Variants in FLYWCH1 observed in about 807,000 individuals in gnomAD.
The protein encoded by FLYWCH1 is FLYWCH-type zinc finger-containing protein 1.
FLYWCH1 carries 75 observed loss-of-function variants against 66.4 expected under a neutral mutation model. The ratio of observed to expected loss-of-function variants is 1.13; its 90% confidence interval spans 0.94 to 1.37. The LOEUF is 1.37. FLYWCH1 is among the 40% of genes most tolerant of loss of function. The pLI is 0.00. For synonymous variants in FLYWCH1, 595 were observed against 429.9 expected, an observed-to-expected ratio of 1.38 and a Z score of -4.75; for missense variants, 1,334 against 1,001.8, an observed-to-expected ratio of 1.33 and a Z score of -4.48.
rs372673554 is a variant in FLYWCH1 at position 2,933,117 on chromosome 16, G to A, written c.797-13G>A. On this transcript the variant is annotated splice_polypyrimidine_tract_variant and intron_variant, in intron 4 of 9. Coordinates refer to ENST00000253928, the MANE Select transcript of FLYWCH1 (RefSeq NM_001308068.2). ...CACCCCTGGTGATGTGACCACTTGG[G>A]TCTCTCCTCTAGGACAGGCCCGGCC... The A allele has an allele frequency of 1.2e-6, 2 of 1,607,644 alleles. No homozygotes were observed. The highest frequency in any genetic ancestry group is 1.7e-6 in the Non-Finnish European group (2 of 1,176,530).
At chr16:2,942,165 G>A (rs1486293526) in intron 9 of FLYWCH1, among the ~76,000 whole-genome samples, 1 of 151,876 alleles carries the variant, frequency 6.6e-6, no homozygotes, top group East Asian at 1.9e-4. Flanking sequence ...CTAAAATCAG[G>A]AATAAAGATG....
At chr16:2,934,753 T>C in intron 6 of FLYWCH1, 2 of 439,142 alleles carry the variant, frequency 4.6e-6, no homozygotes, top group South Asian at 3.2e-5. Context: ...AGAGAGACAG[T>C]GCTGCGAGGT....
Position 2,912,127 on chromosome 16 carries a change from CGGGAGAGGGAGGGCCCCGCTGCCGT to C in FLYWCH1, c.-214_-190del, listed in dbSNP as rs1342351541. The C allele has an allele frequency of 1.3e-5, 2 of 152,178 alleles. No homozygotes were observed. Among genetic ancestry groups the C allele is most frequent in the East Asian group, 1.9e-4 (1 of 5,186 alleles). The allele number at this position is 152,178 out of a possible 1,614,324, so 9.4% of individuals were successfully genotyped here. On this transcript the variant is annotated splice_region_variant and 5_prime_UTR_variant, in exon 1 of 10. Coordinates refer to ENST00000253928, the MANE Select transcript of FLYWCH1 (RefSeq NM_001308068.2). ...TGAAGGATCCGCCGCGGCGCTGTCG[CGGGAGAGGGAGGGCCCCGCTGCCGT>C]CGGTGAGGACAGGCCCCTGCGGGCG... is the stretch of plus-strand genomic sequence containing the variant.
At chr16:2,926,044 A>G (rs2070555604) in intron 2 of FLYWCH1, among the ~76,000 whole-genome samples, 1 of 152,068 alleles carries the variant, frequency 6.6e-6, no homozygotes, top group Non-Finnish European at 1.5e-5. Context: ...GTTGCCCCAA[A>G]AAAGCCCCAC....
At chr16:2,938,979 C>A (rs1380721295) in intron 8 of FLYWCH1, among the ~76,000 whole-genome samples, 1 of 151,826 alleles carries the variant, frequency 6.6e-6, no homozygotes, top group Non-Finnish European at 1.5e-5. Context: ...GCCATCTTGG[C>A]TCACTGCAAC....
intron 2 of FLYWCH1, among the ~76,000 whole-genome samples, chr16:2,926,221 G>A (rs1360854996): frequency 6.6e-6 from 1 of 152,110 alleles, no homozygotes; most frequent in Non-Finnish European, 1.5e-5. Flanking sequence ...TTCTGCCCAT[G>A]GTTTCCAGAA....
intron 2 of FLYWCH1, among the ~76,000 whole-genome samples, chr16:2,918,147 CTT>C (rs35609623): frequency 0.064 from 6,661 of 103,660 alleles, 516 homozygotes; most frequent in African/African-American, 0.22. Flanking sequence ...CCTTGGATTC[CTT>C]TTTTTTTTTT....
chr16:2,930,055 C>T (rs1328622110), intron 3 of FLYWCH1, 45 bp downstream of exon 3: 1 of 1,524,090 alleles, frequency 6.6e-7, no homozygotes, highest in African/African-American at 1.4e-5. Context: ...CCGTGGGTTC[C>T]AGCGCTCCCA....
intron 9 of FLYWCH1, among the ~76,000 whole-genome samples, chr16:2,947,995 G>A (rs2071554759): frequency 6.6e-6 from 1 of 151,670 alleles, no homozygotes; most frequent in South Asian, 2.1e-4. Context: ...GAGCTCTGAT[G>A]GCACCACTGC....
At chr16:2,921,922 G>A (rs1366694416) in intron 2 of FLYWCH1, among the ~76,000 whole-genome samples, 1 of 152,020 alleles carries the variant, frequency 6.6e-6, no homozygotes, top group Non-Finnish European at 1.5e-5. Flanking sequence ...AATTTGCTAG[G>A]TGTGGTGGCG....
intron 2 of FLYWCH1, among the ~76,000 whole-genome samples, chr16:2,921,289 C>T (rs1245640777): frequency 6.7e-6 from 1 of 149,848 alleles, no homozygotes; most frequent in Non-Finnish European, 1.5e-5. Flanking sequence ...TTTAAGTCTA[C>T]AATTCATTGC....
Position 2,930,643 on chromosome 16 carries a change from A to G in FLYWCH1, c.559A>G (p.Arg187Gly), listed in dbSNP as rs753726755. 3 of 1,547,846 alleles carry G rather than the reference A, an allele frequency of 1.9e-6. No homozygotes were observed. Among genetic ancestry groups the G allele is most frequent in the Admixed American group, 2.0e-5 (1 of 50,956 alleles). ...DEQGLEARRQ[R>G]EKLPSLALPE... is the part of the protein sequence containing the mutation. ...GCAAGGCCTGGAGGCCCGGCGCCAG[A>G]GGGAGAAACTGCCCAGCCTGGCCCT... is the stretch of plus-strand genomic sequence containing the variant. Residue 187 changes from arginine to glycine, a missense_variant, in exon 4 of 10, where the codon AGG becomes GGG. Arg to Gly is a moderately radical substitution (Grantham distance 125, BLOSUM62 -2). Transcript: ENST00000253928.
At chr16:2,940,983 T>A (rs1464590963) in intron 9 of FLYWCH1, among the ~76,000 whole-genome samples, 1 of 152,038 alleles carries the variant, frequency 6.6e-6, no homozygotes, top group Non-Finnish European at 1.5e-5. Context: ...ATACAAAAAT[T>A]AGTCAGGCAT....
At chr16:2,941,026 G>T (rs2071241045) in intron 9 of FLYWCH1, among the ~76,000 whole-genome samples, 2 of 152,206 alleles carry the variant, frequency 1.3e-5, no homozygotes, top group African/African-American at 2.4e-5. Flanking sequence ...AGCTATTCGG[G>T]AGGCAGAGGT....
intron 3 of FLYWCH1, 141 bp downstream of exon 3, chr16:2,930,151 G>C (rs1005255230): frequency 2.5e-6 from 2 of 786,398 alleles, no homozygotes; most frequent in Non-Finnish European, 4.0e-6. Flanking sequence ...GAGCGTGTCC[G>C]AGGCTGGTGG....
Position 2,930,460 on chromosome 16 carries a change from C to G in FLYWCH1, c.376C>G (p.Leu126Val). 3.3e-6 allele frequency: 5 copies of G among 1,505,288 alleles called. No individual in the cohort carries two copies. The highest frequency in any genetic ancestry group is 4.4e-6 in the Non-Finnish European group (5 of 1,129,598). 93.2% of individuals were successfully genotyped at this position (1,505,288 alleles called of 1,614,324 possible). Residue 126 changes from leucine (L) to valine (V), a missense_variant, in exon 4 of 10, where the codon CTG (leucine) becomes GTG (valine). Physicochemically the swap from Leu to Val is conservative, Grantham distance 32. Coordinates refer to ENST00000253928, the MANE Select transcript of FLYWCH1 (RefSeq NM_001308068.2). ...GAGGACACCATTCGGGGGCCGCCTC[C>G]TGGTGCTGGAGTCCTTCCTGTACAA... ...FLRTPFGGRL[L>V]VLESFLYKQE...
intron 8 of FLYWCH1, 30 bp downstream of exon 8, chr16:2,938,486 G>A (rs769692218): frequency 6.7e-7 from 1 of 1,500,662 alleles, no homozygotes; most frequent in East Asian, 2.3e-5. Flanking sequence ...CAGAGGCAGG[G>A]CTGTGGGCAT....
chr16:2,919,083 T>A (rs1221437305), intron 2 of FLYWCH1, among the ~76,000 whole-genome samples: 1 of 151,814 alleles, frequency 6.6e-6, no homozygotes, highest in Non-Finnish European at 1.5e-5. Context: ...TTACAGGTGC[T>A]CACCACCACT....
At chr16:2,938,989 C>T (rs1050042146) in intron 8 of FLYWCH1, among the ~76,000 whole-genome samples, 2 of 150,732 alleles carry the variant, frequency 1.3e-5, no homozygotes, top group African/African-American at 2.4e-5. Flanking sequence ...CTCACTGCAA[C>T]CTCTGCCTCC....
Sources: gnomAD v4.1 joint callset for allele counts (sites outside exome capture counted in the v4.1 genomes callset) on GRCh38, gnomAD v4.1.1 for gene constraint, MANE v1.5 for transcripts, NCBI Gene and HGNC (gene_info 2026-07-23, HGNC 2026-07-21) for gene names.